Variants in NOL4 observed in about 807,000 individuals in gnomAD.
NOL4 encodes cancer/testis antigen 125.
NOL4 carries 17 observed loss-of-function variants against 75.9 expected under a neutral mutation model. That is an observed-to-expected ratio of 0.22 (90% CI 0.15 to 0.34). The LOEUF is 0.34. NOL4 is among the 10% of genes least tolerant of loss of function. The pLI, the probability that NOL4 is intolerant of heterozygous loss-of-function variation, is 1.00. For synonymous variants in NOL4, 292 were observed against 289.9 expected (o/e 1.01, Z -0.07); for missense variants, 614 against 793.5 (o/e 0.77, Z 2.72).
At chr18:34,194,433 A>G (rs1432663674) in intron 1 of NOL4, among the ~76,000 whole-genome samples, 1 of 137,428 alleles carries the variant, frequency 7.3e-6, no homozygotes, top group East Asian at 2.2e-4. Context: ...GGAGGGAAGG[A>G]AGGAAGGAAG....
Position 34,223,347 on chromosome 18 carries a change from A to T in NOL4, c.-94T>A, listed in dbSNP as rs1406374107. The T allele has an allele frequency of 6.6e-7, 1 of 1,509,182 alleles. No homozygotes were observed. The highest frequency in any genetic ancestry group is 1.4e-5 in the African/African-American group (1 of 72,456). The allele number at this position is 1,509,182 out of a possible 1,614,324, so 93.5% of individuals were successfully genotyped here. The stretch of plus-strand genomic sequence containing the variant: ...AAAAATGCAGCCCCGGCCACGTTGC[A>T]GGGATGCGAGGTCCCGGCCGCAGCG... On this transcript the variant is annotated 5_prime_UTR_variant, in exon 1 of 11. Coordinates refer to ENST00000261592, the MANE Select transcript of NOL4 (RefSeq NM_003787.5).
intron 5 of NOL4, among the ~76,000 whole-genome samples, chr18:34,064,932 C>G (rs1217734222): frequency 6.6e-6 from 1 of 150,940 alleles, no homozygotes; most frequent in Non-Finnish European, 1.5e-5. Context: ...CACACACACA[C>G]ACACACACAC....
chr18:34,090,724 A>G lies in NOL4; in HGVS notation c.772+2741T>C, dbSNP rs115768878. Reference sequence around the variant, plus strand: ...GGAGATGAGGACTAAGGGTTGACCAATGAATTAAGCAATAAGAAGCCTGCT... The same window carrying G: ...GGAGATGAGGACTAAGGGTTGACCAGTGAATTAAGCAATAAGAAGCCTGCT... On this transcript the variant is annotated intron_variant, in intron 5 of 10. Coordinates refer to ENST00000261592, the MANE Select transcript of NOL4 (RefSeq NM_003787.5). Among the ~76,000 whole-genome samples the G allele has an allele frequency of 2.3e-3, 351 of 152,288 alleles. 1 individual carries two copies. Among genetic ancestry groups the G allele is most frequent in the African/African-American group, 8.0e-3 (334 of 41,570 alleles).
chr18:33,988,470 T>G (rs1490107339), intron 6 of NOL4, among the ~76,000 whole-genome samples: 1 of 152,080 alleles, frequency 6.6e-6, no homozygotes, highest in African/African-American at 2.4e-5. Context: ...TGAAACCCTG[T>G]TCATGTAAGA....
intron 9 of NOL4, among the ~76,000 whole-genome samples, chr18:33,889,040 G>C (rs1278874447): frequency 6.6e-6 from 1 of 151,990 alleles, no homozygotes; most frequent in Non-Finnish European, 1.5e-5. Context: ...GAAGGAGATA[G>C]AGACACAAAG....
intron 8 of NOL4, among the ~76,000 whole-genome samples, chr18:33,948,243 G>A (rs1205242283): frequency 1.3e-5 from 2 of 151,884 alleles, no homozygotes; most frequent in Non-Finnish European, 2.9e-5. Context: ...GCACTTTGAA[G>A]ATAATAATTC....
intron 9 of NOL4, among the ~76,000 whole-genome samples, chr18:33,912,208 T>C (rs1164525323): frequency 2.0e-5 from 3 of 152,092 alleles, no homozygotes; most frequent in African/African-American, 7.2e-5. Flanking sequence ...AAATGTCTCA[T>C]CCTTTCCTGA....
intron 4 of NOL4, among the ~76,000 whole-genome samples, chr18:34,102,612 T>C (rs1056816065): frequency 6.6e-6 from 1 of 152,030 alleles, no homozygotes; most frequent in African/African-American, 2.4e-5. Context: ...TACTTATGAT[T>C]TTTTAGAAGC....
intron 5 of NOL4, among the ~76,000 whole-genome samples, chr18:34,066,543 AC>A (rs895991271): frequency 1.3e-5 from 2 of 152,032 alleles, no homozygotes; most frequent in African/African-American, 4.8e-5. Flanking sequence ...TACACTGTAC[AC>A]CCCAACCTTT....
chr18:34,017,255 C>A (rs1421305743), intron 6 of NOL4, among the ~76,000 whole-genome samples: 1 of 151,994 alleles, frequency 6.6e-6, no homozygotes, highest in Non-Finnish European at 1.5e-5. Flanking sequence ...GTATGTGTAT[C>A]CTCTTTCTCA....
chr18:34,208,433 C>T (rs2036272394), intron 1 of NOL4, among the ~76,000 whole-genome samples: 2 of 146,024 alleles, frequency 1.4e-5, no homozygotes, highest in Admixed American at 1.4e-4. Context: ...AGCTAGATGA[C>T]AAGAAAAAGA....
chr18:33,918,096 A>G (rs1266113286), intron 9 of NOL4, among the ~76,000 whole-genome samples: 5 of 152,170 alleles, frequency 3.3e-5, no homozygotes, highest in African/African-American at 4.8e-5. Flanking sequence ...GTGTTTACCT[A>G]TTAATATTTT....
At chr18:34,064,295 G>A (rs2077178984) in intron 5 of NOL4, among the ~76,000 whole-genome samples, 1 of 151,896 alleles carries the variant, frequency 6.6e-6, no homozygotes, top group Non-Finnish European at 1.5e-5. Context: ...AAAGAAAAAT[G>A]AAAGCTACAA....
At chr18:34,185,862 C>G (rs2034424002) in intron 1 of NOL4, among the ~76,000 whole-genome samples, 2 of 152,146 alleles carry the variant, frequency 1.3e-5, no homozygotes, top group African/African-American at 4.8e-5. Flanking sequence ...TTTGCTCTAC[C>G]TCAAAAGACT....
intron 5 of NOL4, among the ~76,000 whole-genome samples, chr18:34,092,221 C>T (rs1257488279): frequency 1.3e-5 from 2 of 152,016 alleles, no homozygotes; most frequent in Admixed American, 6.6e-5. Context: ...GGAATGCCTA[C>T]TCATGTTTTA....
At chr18:34,182,766 A>G (rs1319906872) in intron 1 of NOL4, among the ~76,000 whole-genome samples, 3 of 151,754 alleles carry the variant, frequency 2.0e-5, no homozygotes, top group African/African-American at 2.4e-5. Context: ...AATTGCATTA[A>G]CTTTATAATC....
At chr18:34,047,501 T>A (rs1049199103) in intron 5 of NOL4, among the ~76,000 whole-genome samples, 3 of 152,098 alleles carry the variant, frequency 2.0e-5, no homozygotes, top group African/African-American at 7.2e-5. Flanking sequence ...TTCAGGGGAA[T>A]ACCCATTGAT....
chr18:33,860,561 G>A (rs913773296), intron 10 of NOL4, among the ~76,000 whole-genome samples: 1 of 152,112 alleles, frequency 6.6e-6, no homozygotes, highest in Admixed American at 6.6e-5. Flanking sequence ...TCTAGATATA[G>A]AATCATGTTG....
At chr18:34,186,447 A>G (rs924479057) in intron 1 of NOL4, among the ~76,000 whole-genome samples, 1 of 152,196 alleles carries the variant, frequency 6.6e-6, no homozygotes, top group Non-Finnish European at 1.5e-5. Context: ...TCCTACCTGT[A>G]AGCCTCCTTC....
Sources: gnomAD v4.1 joint callset for allele counts (sites outside exome capture counted in the v4.1 genomes callset) on GRCh38, gnomAD v4.1.1 for gene constraint, MANE v1.5 for transcripts, NCBI Gene and HGNC (gene_info 2026-07-23, HGNC 2026-07-21) for gene names.